The following PRKN variants were observed in gnomAD, a reference collection of about 807,000 sequenced individuals.
PRKN encodes E3 ubiquitin-protein ligase parkin.
In PRKN, 56 loss-of-function variants were observed where a neutral mutation model predicts 59.5. The observed-to-expected ratio is 0.94, with a 90% confidence interval of 0.76 to 1.18. The LOEUF is 1.18. Among genes scored for constraint, PRKN ranks in the 50% most tolerant of loss-of-function variants. PRKN has a pLI of 0.00. For synonymous variants in PRKN, 250 were observed against 222.1 expected, an observed-to-expected ratio of 1.13 and a Z score of -1.12; for missense variants, 657 against 596.4, an observed-to-expected ratio of 1.10 and a Z score of -1.06.
chr6:162,115,554 GAA>G (rs11320545), intron 4 of PRKN, among the ~76,000 whole-genome samples: 61 of 144,028 alleles, frequency 4.2e-4, no homozygotes, highest in Middle Eastern at 3.6e-3. Context: ...TGTTTCCAAA[GAA>G]AAAAAAAAAA....
rs1248382588 is a variant in PRKN at position 161,529,497 on chromosome 6, GCTTA to G, written c.1083+19353_1083+19356del. ...ACAGTGGCACAGGAAAGGTGAAATGGCTTACTTATGATCTCACAGCAATGGGACA... is the reference window on the plus strand; with the variant it reads ...ACAGTGGCACAGGAAAGGTGAAATGGCTTATGATCTCACAGCAATGGGACA... On this transcript the variant is annotated intron_variant, in intron 9 of 11. Transcript: ENST00000366898. The surrounding 1 kb of genome is among the most constrained non-coding windows in gnomAD (Gnocchi z 4.4). 1.3e-5 allele frequency among the ~76,000 whole-genome samples: 2 copies of G among 152,150 alleles called. No individual in the cohort carries two copies. Among genetic ancestry groups the G allele is most frequent in the Non-Finnish European group, 2.9e-5 (2 of 68,026 alleles).
At chr6:161,613,612 G>A (rs1440561981) in intron 7 of PRKN, among the ~76,000 whole-genome samples, 1 of 152,016 alleles carries the variant, frequency 6.6e-6, no homozygotes, top group African/African-American at 2.4e-5. Flanking sequence ...AAACATCACC[G>A]TTGTCTTAGA....
chr6:162,057,447 T>C (rs1416137359), intron 4 of PRKN, among the ~76,000 whole-genome samples: 2 of 152,192 alleles, frequency 1.3e-5, no homozygotes, highest in African/African-American at 4.8e-5. Flanking sequence ...TATTAGAAGG[T>C]TGTCTGCACC....
At chr6:162,143,377 T>C (rs895610717) in intron 4 of PRKN, among the ~76,000 whole-genome samples, 1 of 152,178 alleles carries the variant, frequency 6.6e-6, no homozygotes, top group Admixed American at 6.5e-5. Flanking sequence ...TGATGTGCCA[T>C]AGAATGTCTT....
intron 1 of PRKN, among the ~76,000 whole-genome samples, chr6:162,509,502 A>G (rs1777490475): frequency 1.3e-5 from 2 of 152,234 alleles, no homozygotes. Flanking sequence ...AAACAAGCCT[A>G]TCTTAGAACA....
At chr6:162,552,177 C>T (rs1483150630) in intron 1 of PRKN, among the ~76,000 whole-genome samples, 3 of 152,134 alleles carry the variant, frequency 2.0e-5, no homozygotes. Flanking sequence ...AATCAGGTGA[C>T]TAGGCGTTGG....
At chr6:161,703,305 C>A (rs941133679) in intron 7 of PRKN, among the ~76,000 whole-genome samples, 1 of 151,800 alleles carries the variant, frequency 6.6e-6, no homozygotes, top group Non-Finnish European at 1.5e-5. Context: ...CTCTAACAAA[C>A]AAAAAACAAA....
intron 5 of PRKN, among the ~76,000 whole-genome samples, chr6:162,032,969 G>T (rs1487298234): frequency 6.6e-6 from 1 of 152,178 alleles, no homozygotes; most frequent in African/African-American, 2.4e-5. Context: ...TATCCAAGAA[G>T]CTTGACCCAA....
chr6:161,714,954 G>A (rs1786909986), intron 7 of PRKN, among the ~76,000 whole-genome samples: 2 of 151,974 alleles, frequency 1.3e-5, no homozygotes, highest in East Asian at 3.9e-4. Flanking sequence ...TTTCAAATAC[G>A]GCATCTTAAG....
intron 1 of PRKN, among the ~76,000 whole-genome samples, chr6:162,485,628 G>A (rs995898071): frequency 3.3e-5 from 5 of 152,198 alleles, no homozygotes; most frequent in Admixed American, 2.6e-4. Flanking sequence ...GTACTGGGAT[G>A]CCACACGTGG....
At chr6:161,767,100 C>T (rs925561880) in intron 7 of PRKN, among the ~76,000 whole-genome samples, 1 of 152,166 alleles carries the variant, frequency 6.6e-6, no homozygotes, top group Non-Finnish European at 1.5e-5. Flanking sequence ...AGCCTCACGA[C>T]TTATAGTTCA....
At chr6:162,307,632 T>G (rs1227482142) in intron 2 of PRKN, among the ~76,000 whole-genome samples, 1 of 152,114 alleles carries the variant, frequency 6.6e-6, no homozygotes, top group African/African-American at 2.4e-5. Flanking sequence ...TTTGATGACA[T>G]GTCATGATTA....
intron 2 of PRKN, among the ~76,000 whole-genome samples, chr6:162,401,143 C>T (rs1264084954): frequency 6.6e-6 from 1 of 151,424 alleles, no homozygotes; most frequent in Non-Finnish European, 1.5e-5. Context: ...CAAAATGTGG[C>T]AAATGGAGAC....
At chr6:162,002,568 T>A (rs1227186878) in intron 5 of PRKN, among the ~76,000 whole-genome samples, 1 of 100,402 alleles carries the variant, frequency 1.0e-5, no homozygotes, top group Non-Finnish European at 1.9e-5. Flanking sequence ...TTTTTTAATC[T>A]TTTCAAATAA....
intron 1 of PRKN, among the ~76,000 whole-genome samples, chr6:162,504,069 C>G (rs2128188663): frequency 6.6e-6 from 1 of 150,962 alleles, no homozygotes; most frequent in Admixed American, 6.6e-5. Flanking sequence ...AGAGAGGACA[C>G]AGAGAGAGAG....
At chr6:162,399,635 G>A (rs535299989) in intron 2 of PRKN, among the ~76,000 whole-genome samples, 1 of 152,152 alleles carries the variant, frequency 6.6e-6, no homozygotes, top group Non-Finnish European at 1.5e-5. Context: ...TCAGAAAAAT[G>A]TTGTTACTCA....
intron 2 of PRKN, among the ~76,000 whole-genome samples, chr6:162,417,603 A>G (rs1206431630): frequency 1.3e-5 from 2 of 152,226 alleles, no homozygotes; most frequent in African/African-American, 4.8e-5. Flanking sequence ...AAGTAGTTCA[A>G]GCACTGAGGG....
intron 1 of PRKN, among the ~76,000 whole-genome samples, chr6:162,464,032 A>G (rs1791297663): frequency 6.6e-6 from 1 of 152,160 alleles, no homozygotes; most frequent in Admixed American, 6.6e-5. Flanking sequence ...GACTGCCCTG[A>G]CCTTTTTTTG....
intron 2 of PRKN, among the ~76,000 whole-genome samples, chr6:162,350,650 T>C (rs1011538254): frequency 3.3e-5 from 5 of 152,178 alleles, no homozygotes; most frequent in Non-Finnish European, 4.4e-5. Flanking sequence ...ATTTCTGCTT[T>C]ACATCATATA....
Sources: allele counts gnomAD v4.1 joint callset (sites outside exome capture counted in the v4.1 genomes callset), GRCh38; gene constraint gnomAD v4.1.1; non-coding constraint Gnocchi (gnomAD v3.1); transcripts MANE v1.5; gene names NCBI Gene and HGNC (gene_info 2026-07-23, HGNC 2026-07-21).